Variants in INPP4B observed in about 807,000 individuals in gnomAD.
The protein encoded by INPP4B is inositol polyphosphate 4-phosphatase type II.
A neutral mutation model predicts 122.5 loss-of-function variants in INPP4B; 55 were observed. The ratio of observed to expected loss-of-function variants is 0.45; its 90% CI spans 0.36 to 0.56. INPP4B has a LOEUF of 0.56. Ranked by LOEUF, INPP4B falls within the 20% of genes least tolerant of loss-of-function variation. The pLI is 0.00. For missense variants in INPP4B, 1,000 were observed against 1,097.7 expected, an observed-to-expected ratio of 0.91 and a Z score of 1.26; for synonymous variants, 403 against 388.7, an observed-to-expected ratio of 1.04 and a Z score of -0.43.
intron 1 of INPP4B, among the ~76,000 whole-genome samples, chr4:142,735,988 T>C (rs1766824810): frequency 1.3e-5 from 2 of 150,160 alleles, no homozygotes; most frequent in Non-Finnish European, 3.0e-5. Context: ...TTCTCTGAAT[T>C]GCATTTTAGG....
At chr4:142,084,095 A>G (rs1775500433) in intron 24 of INPP4B, among the ~76,000 whole-genome samples, 1 of 152,148 alleles carries the variant, frequency 6.6e-6, no homozygotes, top group Non-Finnish European at 1.5e-5. Flanking sequence ...AAACTTAAAG[A>G]AGAAAAAAAC....
At chr4:142,051,566 C>G (rs7665486) in intron 25 of INPP4B, among the ~76,000 whole-genome samples, 2,377 of 151,992 alleles carry the variant, frequency 0.016, 79 homozygotes, top group African/African-American at 0.055. Context: ...ATAAAAAAGT[C>G]TTACATATAA....
At chr4:142,691,703 A>G (rs769757800) in intron 2 of INPP4B, among the ~76,000 whole-genome samples, 1 of 152,192 alleles carries the variant, frequency 6.6e-6, no homozygotes, top group South Asian at 2.1e-4. Flanking sequence ...GGAGTGTGAC[A>G]TGGATCCTTC....
At chr4:142,526,734 GT>G (rs1483396241) in intron 2 of INPP4B, among the ~76,000 whole-genome samples, 1 of 151,996 alleles carries the variant, frequency 6.6e-6, no homozygotes, top group African/African-American at 2.4e-5. Context: ...GTTCTTTAGT[GT>G]TTCTCATATG....
At chr4:142,828,206 T>C (rs1781668427) in intron 1 of INPP4B, among the ~76,000 whole-genome samples, 1 of 152,094 alleles carries the variant, frequency 6.6e-6, no homozygotes, top group South Asian at 2.1e-4. Flanking sequence ...AAATATAAAA[T>C]GTCAGGAAAC....
chr4:142,440,986 A>T lies in INPP4B; in HGVS notation c.-126-9601T>A, dbSNP rs183387862. 3.2e-3 allele frequency among the ~76,000 whole-genome samples: 494 copies of T among 152,304 alleles called. 2 individuals are homozygous for T. Among genetic ancestry groups the T allele is most frequent in the African/African-American group, 0.011 (472 of 41,574 alleles). On this transcript the variant is annotated intron_variant, in intron 3 of 25. Transcript: ENST00000262992. ...GTGTGTATGGTGGTGGTTATTCCTT[A>T]TCTGAGATGAGAATTGCTTCCAGAG... is the stretch of plus-strand genomic sequence containing the variant.
chr4:142,506,612 T>A (rs558179010), intron 2 of INPP4B, among the ~76,000 whole-genome samples: 4 of 152,048 alleles, frequency 2.6e-5, no homozygotes, highest in African/African-American at 9.7e-5. Context: ...TCCTGGAGTA[T>A]GAGGGAAAAG....
chr4:142,587,809 C>A (rs1736555964), intron 2 of INPP4B, among the ~76,000 whole-genome samples: 2 of 151,924 alleles, frequency 1.3e-5, no homozygotes, highest in Admixed American at 1.3e-4. Flanking sequence ...AAAGTAGAAT[C>A]AGAAAGAACA....
chr4:142,081,929 T>A, intron 25 of INPP4B, 102 bp downstream of exon 25: 1 of 785,010 alleles, frequency 1.3e-6, no homozygotes, highest in Admixed American at 3.2e-5. Context: ...AGTAAAGTTC[T>A]AAAATATTTA....
intron 1 of INPP4B, among the ~76,000 whole-genome samples, chr4:142,826,987 A>C (rs752264373): frequency 7.9e-5 from 12 of 152,190 alleles, no homozygotes; most frequent in Admixed American, 2.0e-4. Context: ...TGCCAAAGTC[A>C]TCTTCCCCAC....
At chr4:142,697,835 C>A in intron 2 of INPP4B, among the ~76,000 whole-genome samples, 1 of 152,112 alleles carries the variant, frequency 6.6e-6, no homozygotes. Context: ...CTTTCTAGGC[C>A]ATGACTTACT....
chr4:142,239,422 T>G (rs1408907619), intron 11 of INPP4B, among the ~76,000 whole-genome samples: 1 of 152,172 alleles, frequency 6.6e-6, no homozygotes, highest in Non-Finnish European at 1.5e-5. Flanking sequence ...TAGAGCTGTA[T>G]GCTCCCAAAG....
At chr4:142,386,667 T>G (rs931930639) in intron 7 of INPP4B, among the ~76,000 whole-genome samples, 7 of 152,216 alleles carry the variant, frequency 4.6e-5, no homozygotes, top group African/African-American at 1.4e-4. Context: ...ACTTCTGATA[T>G]CTGTATGCCA....
intron 1 of INPP4B, among the ~76,000 whole-genome samples, chr4:142,785,597 T>C (rs963686830): frequency 3.3e-5 from 5 of 151,974 alleles, no homozygotes; most frequent in Non-Finnish European, 7.4e-5. Context: ...ATCCGTGAGT[T>C]TGAAGATATA....
chr4:142,684,844 C>A (rs184472602), intron 2 of INPP4B, among the ~76,000 whole-genome samples: 144 of 151,842 alleles, frequency 9.5e-4, no homozygotes, highest in Admixed American at 2.4e-3. Flanking sequence ...AATTACTTGG[C>A]AAAATTATAA....
chr4:142,495,520 A>G (rs1349884087), intron 2 of INPP4B, among the ~76,000 whole-genome samples: 1 of 152,052 alleles, frequency 6.6e-6, no homozygotes, highest in Non-Finnish European at 1.5e-5. Flanking sequence ...GCAAATATAT[A>G]TATATATATT....
chr4:142,731,981 T>G (rs1766161677), intron 1 of INPP4B, among the ~76,000 whole-genome samples: 2 of 152,080 alleles, frequency 1.3e-5, no homozygotes, highest in African/African-American at 2.4e-5. Context: ...CTAGTACCCT[T>G]TCCCAGAATG....
chr4:142,674,671 C>T (rs1025260491), intron 2 of INPP4B, among the ~76,000 whole-genome samples: 1 of 152,122 alleles, frequency 6.6e-6, no homozygotes, highest in African/African-American at 2.4e-5. Flanking sequence ...TTATAACAGT[C>T]TCTCAGAATG....
chr4:142,219,974 G>A (rs771159983), intron 12 of INPP4B, among the ~76,000 whole-genome samples: 11 of 152,234 alleles, frequency 7.2e-5, no homozygotes, highest in Middle Eastern at 3.4e-3. Flanking sequence ...AAATTCAATC[G>A]TACTAGGTAT....
Sources: allele counts gnomAD v4.1 joint callset (sites outside exome capture counted in the v4.1 genomes callset), GRCh38; gene constraint gnomAD v4.1.1; transcripts MANE v1.5; gene names NCBI Gene and HGNC (gene_info 2026-07-23, HGNC 2026-07-21).